Variants in PICALM observed in about 807,000 individuals in gnomAD.
PICALM encodes phosphatidylinositol-binding clathrin assembly protein.
PICALM carries 40 observed loss-of-function variants against 80.5 expected under a neutral mutation model. The ratio of observed to expected loss-of-function variants is 0.50; its 90% CI spans 0.39 to 0.65. PICALM has a LOEUF of 0.65. Among genes scored for constraint, PICALM ranks in the 30% least tolerant of loss-of-function variants. The pLI is 0.00. For missense variants in PICALM, 676 were observed against 778.9 expected (o/e 0.87, Z 1.57); for synonymous variants, 288 against 260.3 (o/e 1.11, Z -1.02).
intron 6 of PICALM, 35 bp downstream of exon 6, chr11:86,012,246 G>T: frequency 1.7e-6 from 2 of 1,172,434 alleles, no homozygotes; most frequent in Non-Finnish European, 2.5e-6. Flanking sequence ...TATGACACAA[G>T]ATAAGAAATG....
intron 19 of PICALM, among the ~76,000 whole-genome samples, chr11:85,970,112 AGGGACAGAGAAGTAAACAT>A (rs1213633360): frequency 3.9e-5 from 6 of 152,262 alleles, no homozygotes; most frequent in African/African-American, 1.4e-4. Context: ...TCTAGGAACT[AGGGACAGAGAAGTAAACAT>A]GCCAGAGAAG....
At chr11:86,010,515 C>G (rs963714719) in intron 7 of PICALM, among the ~76,000 whole-genome samples, 1 of 151,966 alleles carries the variant, frequency 6.6e-6, no homozygotes, top group Admixed American at 6.6e-5. Flanking sequence ...TTAGTATAGA[C>G]GGGATTTTGC....
intron 17 of PICALM, chr11:85,978,089 C>T: frequency 6.2e-7 from 1 of 1,612,648 alleles, no homozygotes; most frequent in African/African-American, 1.3e-5. Context: ...AAAATGCATG[C>T]CATTCTGTTT....
At position 85,981,989 on chromosome 11, in the gene PICALM, C is replaced by T; in HGVS notation, c.1531G>A (p.Gly511Ser). Reference sequence around the variant, plus strand: ...GCCACTGTTGGTTTGAGAAGTCCACCTAGTTCATCAAAGCCTTAAAGTTAC... The same window carrying T: ...GCCACTGTTGGTTTGAGAAGTCCACTTAGTTCATCAAAGCCTTAAAGTTAC... The part of the protein sequence containing the change: ...IVDSGGFDEL[G>S]GLLKPTVASQ... Residue 511 changes from glycine to serine, a missense_variant, in exon 15 of 20, where the codon GGT becomes AGT. By Grantham distance (56) the Gly-to-Ser change is moderately conservative. Around this residue, in one of 2 missense-constraint regions of PICALM, gnomAD observed 391 missense variants for 383.6 expected, o/e 1.02. Coordinates refer to ENST00000393346, the MANE Select transcript of PICALM (RefSeq NM_007166.4). The T allele has an allele frequency of 6.2e-7, 1 of 1,613,438 alleles. No individual in the cohort carries two copies.
At chr11:86,043,920 A>C (rs904321159) in intron 1 of PICALM, among the ~76,000 whole-genome samples, 3 of 152,206 alleles carry the variant, frequency 2.0e-5, no homozygotes, top group South Asian at 4.1e-4. Context: ...CTCAGAAAAC[A>C]CAAGTTCCGT....
intron 19 of PICALM, among the ~76,000 whole-genome samples, chr11:85,961,223 G>A (rs1199807145): frequency 6.6e-6 from 1 of 152,152 alleles, no homozygotes; most frequent in Admixed American, 6.5e-5. Context: ...ACATCTAGCT[G>A]CAATATTCTT....
intron 1 of PICALM, among the ~76,000 whole-genome samples, chr11:86,053,159 T>G (rs994171765): frequency 6.6e-6 from 1 of 152,224 alleles, no homozygotes; most frequent in African/African-American, 2.4e-5. Context: ...ACAACCTGAA[T>G]AGTGACACTG....
chr11:86,035,124 C>CT lies in PICALM; in HGVS notation c.131-3514dup, dbSNP rs10710079. Among the ~76,000 whole-genome samples the CT allele has an allele frequency of 4.6e-3, 687 of 148,548 alleles. 22 individuals carry two copies. In the East Asian group the frequency reaches 0.073, roughly 16 times the overall value. ...CAGTATTTTTGTATTCTGAGGAAGTCTTTTTTTTTTTTTAACAAAGTACAA... is the reference window on the plus strand; with the variant it reads ...CAGTATTTTTGTATTCTGAGGAAGTCTTTTTTTTTTTTTTAACAAAGTACAA... On this transcript the variant is annotated intron_variant, in intron 1 of 19. Transcript: ENST00000393346.
chr11:86,063,479 G>C (rs879881661), intron 1 of PICALM, among the ~76,000 whole-genome samples: 1 of 152,120 alleles, frequency 6.6e-6, no homozygotes, highest in Non-Finnish European at 1.5e-5. Context: ...TGCTAATTAT[G>C]AATAAGCGGC....
chr11:85,994,024 A>C (rs981215763), intron 12 of PICALM, among the ~76,000 whole-genome samples: 2 of 151,918 alleles, frequency 1.3e-5, no homozygotes, highest in African/African-American at 4.8e-5. Flanking sequence ...CTGCCCAGAT[A>C]ATCAAATTTT....
chr11:85,996,555 T>TA (rs1255630855), intron 12 of PICALM, among the ~76,000 whole-genome samples: 1 of 152,174 alleles, frequency 6.6e-6, no homozygotes, highest in Non-Finnish European at 1.5e-5. Flanking sequence ...ATTAAAAGAA[T>TA]AATCTCATAG....
intron 12 of PICALM, among the ~76,000 whole-genome samples, chr11:85,992,760 C>T (rs1294007917): frequency 6.6e-6 from 1 of 152,158 alleles, no homozygotes; most frequent in Non-Finnish European, 1.5e-5. Flanking sequence ...TGAGAAAACA[C>T]ATGTTCAGGA....
At position 85,958,302 on chromosome 11, in the gene PICALM, A is replaced by G; in HGVS notation, c.*744T>C. Reference sequence around the variant, plus strand: ...TATAATGCTTCCCTAAATCCCACAGAGGCCGAGAATTCTTAAGAGATTCAG... The same window carrying G: ...TATAATGCTTCCCTAAATCCCACAGGGGCCGAGAATTCTTAAGAGATTCAG... On this transcript the variant is annotated 3_prime_UTR_variant, in exon 20 of 20. Transcript: ENST00000393346. 1 of 213,720 alleles carries G rather than the reference A, an allele frequency of 4.7e-6. No individual in the cohort carries two copies. The allele number at this position is 213,720 out of a possible 1,614,324, so 13.2% of individuals were successfully genotyped here.
At chr11:85,964,553 T>C (rs540278052) in intron 19 of PICALM, among the ~76,000 whole-genome samples, 1 of 152,316 alleles carries the variant, frequency 6.6e-6, no homozygotes, top group Admixed American at 6.5e-5. Flanking sequence ...GCCTGGCATA[T>C]ATTAAGTAGC....
intron 1 of PICALM, 46 bp downstream of exon 1, chr11:86,068,605 G>C (rs757543396): frequency 2.5e-6 from 4 of 1,574,082 alleles, no homozygotes; most frequent in African/African-American, 1.4e-5. Context: ...ACGCGCGCGG[G>C]TCGCGCGGGC....
intron 1 of PICALM, among the ~76,000 whole-genome samples, chr11:86,056,473 C>G (rs757774977): frequency 6.6e-6 from 1 of 151,794 alleles, no homozygotes; most frequent in Non-Finnish European, 1.5e-5. Flanking sequence ...TTCACACCCA[C>G]TAGGATGACT....
intron 4 of PICALM, 69 bp from the exon 5 acceptor site, chr11:86,015,032 C>A: frequency 1.1e-6 from 1 of 904,476 alleles, no homozygotes; most frequent in South Asian, 1.6e-5. Context: ...AACTCCCCCC[C>A]TGGTTTTCTA....
chr11:86,067,783 G>GT (rs1555164543), intron 1 of PICALM, among the ~76,000 whole-genome samples: 2 of 152,180 alleles, frequency 1.3e-5, no homozygotes, highest in African/African-American at 4.8e-5. Flanking sequence ...ACTGATAAGA[G>GT]TATCAGCAAA....
At chr11:85,994,807 G>A (rs1314655011) in intron 12 of PICALM, among the ~76,000 whole-genome samples, 1 of 152,174 alleles carries the variant, frequency 6.6e-6, no homozygotes, top group Non-Finnish European at 1.5e-5. Context: ...GGGTTCAAGT[G>A]ATTCTCATGC....
Sources: allele counts gnomAD v4.1 joint callset (sites outside exome capture counted in the v4.1 genomes callset), GRCh38; gene constraint gnomAD v4.1.1; regional missense constraint gnomAD v4.1.1; transcripts MANE v1.5; gene names NCBI Gene and HGNC (gene_info 2026-07-23, HGNC 2026-07-21).